Variants in NKAIN2 observed in about 807,000 individuals in gnomAD.
NKAIN2 encodes the protein sodium/potassium transporting ATPase interacting 2.
NKAIN2 carries 14 observed loss-of-function variants against 32.6 expected under a neutral mutation model. That is an observed-to-expected ratio of 0.43 (90% CI 0.28 to 0.67). The LOEUF (loss-of-function observed/expected upper bound fraction) is 0.67, where lower values mean the gene tolerates loss of function less well. Ranked by LOEUF, NKAIN2 falls within the 30% of genes least tolerant of loss-of-function variation. The pLI is 0.17. For missense variants in NKAIN2, 198 were observed against 258.3 expected (o/e 0.77, Z 1.60); for synonymous variants, 80 against 87.2 (o/e 0.92, Z 0.46).
chr6:124,028,079 A>G (rs559554529), intron 1 of NKAIN2, among the ~76,000 whole-genome samples: 30 of 152,104 alleles, frequency 2.0e-4, no homozygotes, highest in African/African-American at 3.4e-4. Context: ...CTGACTTTAT[A>G]TCTTCACCCT....
At chr6:124,207,120 A>G (rs2114645988) in intron 1 of NKAIN2, among the ~76,000 whole-genome samples, 1 of 151,728 alleles carries the variant, frequency 6.6e-6, no homozygotes, top group South Asian at 2.1e-4. Context: ...ATAAGCAAAT[A>G]TTGTTTCAAC....
intron 1 of NKAIN2, among the ~76,000 whole-genome samples, chr6:123,967,954 G>C (rs1033101937): frequency 6.6e-6 from 1 of 152,126 alleles, no homozygotes; most frequent in African/African-American, 2.4e-5. Flanking sequence ...CTTAAGAAGA[G>C]GAGAAGAGGG....
At chr6:123,827,906 TA>T (rs1774216451) in intron 1 of NKAIN2, among the ~76,000 whole-genome samples, 1 of 151,962 alleles carries the variant, frequency 6.6e-6, no homozygotes, top group South Asian at 2.1e-4. Flanking sequence ...TATATATATA[TA>T]TGTCATATAT....
At chr6:124,203,396 A>AT (rs1353649284) in intron 1 of NKAIN2, among the ~76,000 whole-genome samples, 2 of 151,816 alleles carry the variant, frequency 1.3e-5, no homozygotes, top group East Asian at 1.9e-4. Flanking sequence ...TTTCATGGGT[A>AT]TTTTTATCAC....
chr6:124,035,248 T>C (rs1285269621), intron 1 of NKAIN2, among the ~76,000 whole-genome samples: 1 of 152,076 alleles, frequency 6.6e-6, no homozygotes, highest in Non-Finnish European at 1.5e-5. Context: ...TGGCCATAAA[T>C]AGTTGAATGC....
At chr6:124,062,722 G>T (rs1244819682) in intron 1 of NKAIN2, among the ~76,000 whole-genome samples, 1 of 152,008 alleles carries the variant, frequency 6.6e-6, no homozygotes, top group Non-Finnish European at 1.5e-5. Flanking sequence ...CCAGATTATT[G>T]GTAGTGAATC....
intron 5 of NKAIN2, among the ~76,000 whole-genome samples, chr6:124,793,679 C>T (rs6913630): frequency 0.51 from 72,054 of 142,570 alleles, 18,238 homozygotes; most frequent in South Asian, 0.62. Flanking sequence ...ACATACTGCT[C>T]AAAAAAAAAA....
At chr6:124,622,328 A>G (rs985228170) in intron 3 of NKAIN2, among the ~76,000 whole-genome samples, 1 of 152,184 alleles carries the variant, frequency 6.6e-6, no homozygotes, top group Non-Finnish European at 1.5e-5. Flanking sequence ...CTCACAGGAT[A>G]TGCGACAGGG....
chr6:124,147,646 T>G, intron 1 of NKAIN2, among the ~76,000 whole-genome samples: 1 of 152,200 alleles, frequency 6.6e-6, no homozygotes. Flanking sequence ...ACAAAAAAAC[T>G]GAATTTGTCA....
At chr6:124,708,562 C>T (rs1442374806) in intron 4 of NKAIN2, among the ~76,000 whole-genome samples, 2 of 151,972 alleles carry the variant, frequency 1.3e-5, no homozygotes, top group Admixed American at 1.3e-4. Flanking sequence ...CTTCACATCC[C>T]TTGTAAGTTG....
At chr6:124,466,906 A>C (rs1776782280) in intron 3 of NKAIN2, among the ~76,000 whole-genome samples, 1 of 152,102 alleles carries the variant, frequency 6.6e-6, no homozygotes, top group African/African-American at 2.4e-5. Flanking sequence ...TCTCGCTAGA[A>C]ATATTTCCAA....
chr6:124,579,040 G>A (rs1179194144), intron 3 of NKAIN2, among the ~76,000 whole-genome samples: 1 of 152,168 alleles, frequency 6.6e-6, no homozygotes, highest in Non-Finnish European at 1.5e-5. Context: ...TGAGCTTGGG[G>A]TACTCCCTAA....
chr6:124,264,945 TTATAA>T (rs1204461279), intron 1 of NKAIN2, among the ~76,000 whole-genome samples: 2 of 152,170 alleles, frequency 1.3e-5, no homozygotes, highest in African/African-American at 4.8e-5. Context: ...CTCATAATTT[TTATAA>T]TATATGTGTT....
chr6:124,509,439 A>G lies in NKAIN2; in HGVS notation c.274-148747A>G, dbSNP rs1329540848. On this transcript the variant is annotated intron_variant, in intron 3 of 6. Coordinates refer to ENST00000368417, the MANE Select transcript of NKAIN2 (RefSeq NM_001040214.3). ...GTTTTGTTCTTCTATCAGTATTAGT[A>G]ATAGACTGCCTTATTATAGGTCATC... 2.0e-5 allele frequency among the ~76,000 whole-genome samples: 3 copies of G among 152,336 alleles called. No individual in the cohort carries two copies. In the East Asian group the frequency reaches 5.8e-4, roughly 29 times the overall value.
chr6:124,345,350 A>C (rs533343425), intron 2 of NKAIN2, among the ~76,000 whole-genome samples: 9 of 152,188 alleles, frequency 5.9e-5, no homozygotes, highest in Admixed American at 5.2e-4. Flanking sequence ...GGCCTCATAA[A>C]ATGAGTTAGG....
chr6:124,354,553 G>A (rs901367170), intron 2 of NKAIN2, among the ~76,000 whole-genome samples: 18 of 152,140 alleles, frequency 1.2e-4, no homozygotes, highest in African/African-American at 4.3e-4. Context: ...AAGAGAGAAA[G>A]CTGATTGGAA....
At chr6:124,807,300 C>T (rs1166403915) in intron 5 of NKAIN2, among the ~76,000 whole-genome samples, 75 of 152,224 alleles carry the variant, frequency 4.9e-4, no homozygotes, top group African/African-American at 1.6e-3. Flanking sequence ...TCTCAGACCA[C>T]AGTGCAATCA....
chr6:124,710,065 T>C (rs1775356627), intron 4 of NKAIN2, among the ~76,000 whole-genome samples: 1 of 152,078 alleles, frequency 6.6e-6, no homozygotes, highest in South Asian at 2.1e-4. Context: ...AACATCTTTA[T>C]TTCTGCCTTC....
chr6:124,599,219 A>G (rs975761955), intron 3 of NKAIN2, among the ~76,000 whole-genome samples: 6 of 151,824 alleles, frequency 4.0e-5, no homozygotes, highest in African/African-American at 1.5e-4. Flanking sequence ...TTTTATTTCA[A>G]TGTAGATAAT....
Sources: allele counts gnomAD v4.1 joint callset (sites outside exome capture counted in the v4.1 genomes callset), GRCh38; gene constraint gnomAD v4.1.1; transcripts MANE v1.5; gene names NCBI Gene and HGNC (gene_info 2026-07-23, HGNC 2026-07-21).